Variants in DMD observed in about 807,000 individuals in gnomAD.
The protein encoded by DMD is mutant dystrophin.
DMD carries 63 observed loss-of-function variants against 330.1 expected under a neutral mutation model. The ratio of observed to expected loss-of-function variants is 0.19; its 90% CI spans 0.16 to 0.24. The LOEUF is 0.24. DMD is among the 10% of genes least tolerant of loss of function. The probability of loss-of-function intolerance (pLI) is 1.00; values close to 1 mark genes in which losing one functional copy is unlikely to be tolerated. For synonymous variants in DMD, 1,223 were observed against 959.8 expected, an observed-to-expected ratio of 1.27 and a Z score of -5.07; for missense variants, 3,344 against 2,684.1, an observed-to-expected ratio of 1.25 and a Z score of -5.43.
chrX:31,373,475 T>G (rs1032420530), intron 60 of DMD, among the ~76,000 whole-genome samples: 9 of 102,131 alleles, frequency 8.8e-5, no homozygotes, highest in African/African-American at 3.1e-4. Context: ...AACAGAGACA[T>G]AGATCAATGG....
chrX:31,527,196 G>A (rs2073311051), intron 55 of DMD, among the ~76,000 whole-genome samples: 1 of 111,971 alleles, frequency 8.9e-6, no homozygotes, highest in Non-Finnish European at 1.9e-5. Flanking sequence ...AGAATGCAAA[G>A]TAAAAATATT....
intron 47 of DMD, among the ~76,000 whole-genome samples, chrX:31,885,074 G>T (rs1354355733): frequency 1.8e-5 from 2 of 110,854 alleles, no homozygotes; most frequent in Non-Finnish European, 3.8e-5. Context: ...ACATATTTCA[G>T]GTACTTCATG....
chrX:31,593,613 T>C (rs1219097174), intron 55 of DMD, among the ~76,000 whole-genome samples: 1 of 110,866 alleles, frequency 9.0e-6, no homozygotes, highest in Non-Finnish European at 1.9e-5. Flanking sequence ...TATGAAGAAT[T>C]CCCCATGCCT....
chrX:32,679,806 G>GT (rs751932842), intron 9 of DMD, among the ~76,000 whole-genome samples: 3 of 97,602 alleles, frequency 3.1e-5, no homozygotes, highest in East Asian at 3.5e-4. Flanking sequence ...CTTTAAACAT[G>GT]TTTTTTTCAT....
At chrX:31,874,530 T>A (rs186618927) in intron 48 of DMD, among the ~76,000 whole-genome samples, 18 of 111,658 alleles carry the variant, frequency 1.6e-4, no homozygotes, top group African/African-American at 5.5e-4. Flanking sequence ...GCAGGCATTC[T>A]AGTAACATAA....
At chrX:32,471,357 C>A (rs910336053) in intron 22 of DMD, among the ~76,000 whole-genome samples, 1 of 111,734 alleles carries the variant, frequency 8.9e-6, no homozygotes, top group Admixed American at 9.5e-5. Context: ...GTATATCTTT[C>A]CTGATAGAAG....
chrX:32,745,731 A>G (rs947921972), intron 7 of DMD, among the ~76,000 whole-genome samples: 2 of 112,224 alleles, frequency 1.8e-5, no homozygotes, highest in African/African-American at 6.5e-5. Context: ...GGTAGTCATA[A>G]TTTCAAAACC....
At chrX:31,513,107 G>A (rs2071807413) in intron 55 of DMD, among the ~76,000 whole-genome samples, 1 of 95,577 alleles carries the variant, frequency 1.0e-5, no homozygotes, top group Non-Finnish European at 2.1e-5. Context: ...ATTGTGAATG[G>A]GAGTTCACTC....
At chrX:32,110,657 C>T (rs1224282096) in intron 44 of DMD, among the ~76,000 whole-genome samples, 5 of 110,761 alleles carry the variant, frequency 4.5e-5, no homozygotes, top group Non-Finnish European at 7.6e-5. Context: ...GCTTCAGTTC[C>T]ACATGGCTAG....
intron 2 of DMD, among the ~76,000 whole-genome samples, chrX:32,928,617 A>C (rs1013802770): frequency 1.8e-5 from 2 of 112,160 alleles, no homozygotes; most frequent in African/African-American, 6.5e-5. Flanking sequence ...TTACAGATGT[A>C]AAACTTGCAA....
At chrX:32,545,462 T>A in intron 16 of DMD, 128 bp from the exon 17 acceptor site, 1 of 636,113 alleles carries the variant, frequency 1.6e-6, no homozygotes, top group Non-Finnish European at 2.5e-6. Flanking sequence ...CAGATCAAAA[T>A]AGCACCATAT....
chrX:32,919,861 C>T (rs937848696), intron 2 of DMD, among the ~76,000 whole-genome samples: 4 of 111,324 alleles, frequency 3.6e-5, no homozygotes, highest in African/African-American at 1.3e-4. Context: ...TTTAAGGAAA[C>T]TAAATCCCCA....
chrX:31,932,756 A>G (rs2094874708), intron 45 of DMD, among the ~76,000 whole-genome samples: 1 of 110,814 alleles, frequency 9.0e-6, no homozygotes, highest in Admixed American at 9.6e-5. Context: ...AAATACATAC[A>G]TACATACGTA....
chrX:31,407,860 T>G (rs995230431), intron 60 of DMD, among the ~76,000 whole-genome samples: 6 of 111,269 alleles, frequency 5.4e-5, no homozygotes, highest in Non-Finnish European at 1.1e-4. Flanking sequence ...AGGATGGATT[T>G]GTCATTAGTT....
intron 60 of DMD, among the ~76,000 whole-genome samples, chrX:31,349,694 ATACT>A (rs1291864742): frequency 3.6e-5 from 4 of 111,831 alleles, no homozygotes; most frequent in Admixed American, 2.8e-4. Flanking sequence ...GTGACATGCT[ATACT>A]TACTTATTTG....
At chrX:31,371,774 T>G (rs1036465673) in intron 60 of DMD, among the ~76,000 whole-genome samples, 1 of 111,838 alleles carries the variant, frequency 8.9e-6, no homozygotes, top group Non-Finnish European at 1.9e-5. Flanking sequence ...ACAGAAAGAA[T>G]ATTGATAATG....
rs190229833 is a variant in DMD, at chrX:32,820,520, A to G, written c.357+2775T>C. The stretch of plus-strand genomic sequence containing the variant: ...GAAATTATCAGACATAATAGTCTTG[A>G]AAGCTTATCTTGGACTAGTTCAGAT... On this transcript the variant is annotated intron_variant, in intron 5 of 78. Transcript: ENST00000357033. Among the ~76,000 whole-genome samples the G allele has an allele frequency of 2.8e-4, 31 of 112,370 alleles. No individual in the cohort carries two copies. In the East Asian group the frequency reaches 8.1e-3, roughly 29 times the overall value.
chrX:31,411,721 C>T (rs1053121020), intron 60 of DMD, among the ~76,000 whole-genome samples: 17 of 110,812 alleles, frequency 1.5e-4, no homozygotes, highest in African/African-American at 5.2e-4. Context: ...GTAACCTTGG[C>T]CTCCTGGGTT....
intron 44 of DMD, among the ~76,000 whole-genome samples, chrX:32,152,215 C>T (rs2147173870): frequency 9.0e-6 from 1 of 111,637 alleles, no homozygotes; most frequent in African/African-American, 3.2e-5. Context: ...CTCCAGGTAG[C>T]AAATATGTTC....
Sources: gnomAD v4.1 joint callset for allele counts (sites outside exome capture counted in the v4.1 genomes callset) on GRCh38, gnomAD v4.1.1 for gene constraint, MANE v1.5 for transcripts, NCBI Gene and HGNC (gene_info 2026-07-23, HGNC 2026-07-21) for gene names.